Variants in PIK3AP1 observed in about 807,000 individuals in gnomAD.
PIK3AP1 encodes phosphoinositide 3-kinase adapter protein 1.
A neutral mutation model predicts 88.1 loss-of-function variants in PIK3AP1; 21 were observed. The observed-to-expected ratio is 0.24, with a 90% CI of 0.17 to 0.34. The LOEUF is 0.34. Among genes scored for constraint, PIK3AP1 ranks in the 10% least tolerant of loss-of-function variants. The pLI, the probability that PIK3AP1 is intolerant of heterozygous loss-of-function variation, is 1.00. For synonymous variants in PIK3AP1, 398 were observed against 400.0 expected, an observed-to-expected ratio of 1.00 and a Z score of 0.06; for missense variants, 828 against 1,035.7, an observed-to-expected ratio of 0.80 and a Z score of 2.75.
intron 2 of PIK3AP1, among the ~76,000 whole-genome samples, chr10:96,659,529 C>T (rs905890281): frequency 2.6e-5 from 4 of 151,848 alleles, no homozygotes; most frequent in Admixed American, 6.6e-5. Flanking sequence ...GAAAAGTCTA[C>T]GGTAAGAATT....
intron 2 of PIK3AP1, among the ~76,000 whole-genome samples, chr10:96,700,224 T>C (rs1472788223): frequency 6.6e-6 from 1 of 152,198 alleles, no homozygotes; most frequent in African/African-American, 2.4e-5. Flanking sequence ...AGGCCCTCTC[T>C]GGGTGGCCGC....
At chr10:96,649,187 C>G (rs1843502505) in intron 6 of PIK3AP1, among the ~76,000 whole-genome samples, 1 of 152,096 alleles carries the variant, frequency 6.6e-6, no homozygotes, top group African/African-American at 2.4e-5. Context: ...GCTAGGATTA[C>G]AGCTGTGCAT....
At chr10:96,608,578 C>T (rs1039080595) in intron 14 of PIK3AP1, among the ~76,000 whole-genome samples, 11 of 152,180 alleles carry the variant, frequency 7.2e-5, no homozygotes, top group South Asian at 2.1e-4. Flanking sequence ...TCTCTCTTTC[C>T]GGGTCACAAA....
chr10:96,607,055 T>C (rs1035986669), intron 14 of PIK3AP1, among the ~76,000 whole-genome samples: 3 of 152,232 alleles, frequency 2.0e-5, no homozygotes, highest in Non-Finnish European at 4.4e-5. Context: ...AATTTTTAGT[T>C]ATAACCAGAT....
At chr10:96,671,136 T>G (rs994001206) in intron 2 of PIK3AP1, among the ~76,000 whole-genome samples, 2 of 152,244 alleles carry the variant, frequency 1.3e-5, no homozygotes, top group Admixed American at 6.5e-5. Context: ...GCTATTGTCA[T>G]GTCCTTAGAA....
At chr10:96,676,492 A>T (rs1276172251) in intron 2 of PIK3AP1, among the ~76,000 whole-genome samples, 2 of 151,780 alleles carry the variant, frequency 1.3e-5, no homozygotes, top group Non-Finnish European at 2.9e-5. Context: ...AGCCTTGCTG[A>T]TCCTCAGGTC....
intron 8 of PIK3AP1, chr10:96,632,914 C>T: frequency 1.9e-6 from 3 of 1,612,730 alleles, no homozygotes; most frequent in Non-Finnish European, 2.5e-6. Context: ...ATGCTTGGCA[C>T]CAGTCCACTC....
intron 2 of PIK3AP1, among the ~76,000 whole-genome samples, chr10:96,677,766 A>G (rs1243394514): frequency 1.3e-5 from 2 of 152,178 alleles, no homozygotes. Context: ...TTCACTGTTC[A>G]TTTAGGTACA....
In PIK3AP1 at chr10:96,720,500, A is replaced by G. The variant is rs999521699; in HGVS notation, c.-106T>C. 4 of 1,040,020 alleles carry G rather than the reference A, an allele frequency of 3.8e-6. No homozygotes were observed. Among genetic ancestry groups the G allele is most frequent in the Non-Finnish European group, 4.8e-6 (4 of 828,012 alleles). 64.4% of individuals were successfully genotyped at this position (1,040,020 alleles called of 1,614,324 possible). On this transcript the variant is annotated 5_prime_UTR_variant, in exon 1 of 17. Coordinates refer to ENST00000339364, the MANE Select transcript of PIK3AP1 (RefSeq NM_152309.3). This position sits in a 1 kb window ranked among gnomAD's most constrained non-coding sequence, Gnocchi z 4.6. ...GGAGGGGCGCCGGGCTCCGCGCGGG[A>G]CCGGCCGCCGCTCTGGCGCTTCCTC...
At chr10:96,658,718 A>G (rs1300962265) in intron 2 of PIK3AP1, among the ~76,000 whole-genome samples, 1 of 152,092 alleles carries the variant, frequency 6.6e-6, no homozygotes, top group East Asian at 1.9e-4. Context: ...TTCCCCCTCC[A>G]TGATTTTTCC....
chr10:96,610,826 C>T (rs779805166), intron 13 of PIK3AP1, among the ~76,000 whole-genome samples: 3 of 152,212 alleles, frequency 2.0e-5, no homozygotes, highest in Non-Finnish European at 2.9e-5. Context: ...CCAACTTCCT[C>T]CTGAAGGCAA....
chr10:96,645,412 G>A (rs1003474613), intron 8 of PIK3AP1, 61 bp downstream of exon 8: 35 of 1,565,912 alleles, frequency 2.2e-5, no homozygotes, highest in East Asian at 6.9e-5. Context: ...ATCTTCATCC[G>A]GAATGAAAAA....
intron 2 of PIK3AP1, chr10:96,700,959 C>A (rs1256340507): frequency 2.2e-6 from 2 of 895,744 alleles, no homozygotes; most frequent in Non-Finnish European, 2.7e-6. Flanking sequence ...CCCATAATAG[C>A]CTATAACAGA....
rs1848743967 is a variant in PIK3AP1, at chr10:96,595,779, A to T, written c.2361-145T>A. ...GGACACACATATGAATGTATGAGTG[A>T]CACGCATGCTAGCTGTGGCTTGCAA... is the stretch of plus-strand genomic sequence containing the variant. On this transcript the variant is annotated intron_variant, in intron 16 of 16. Coordinates refer to ENST00000339364, the MANE Select transcript of PIK3AP1 (RefSeq NM_152309.3). 7 of 765,224 alleles carry T rather than the reference A, an allele frequency of 9.1e-6. No homozygotes were observed. In the South Asian group the frequency reaches 1.2e-4, roughly 13 times the overall value. The allele number at this position is 765,224 out of a possible 1,614,324, so 47.4% of individuals were successfully genotyped here. A position where few individuals can be genotyped will look rare whatever the true frequency, so the allele number is the denominator to read the frequency against.
chr10:96,638,851 A>C (rs1342186646), intron 8 of PIK3AP1, among the ~76,000 whole-genome samples: 1 of 152,214 alleles, frequency 6.6e-6, no homozygotes, highest in Non-Finnish European at 1.5e-5. Flanking sequence ...CTCTCACTAG[A>C]ATGTAAGCTT....
chr10:96,654,651 C>T (rs899779008), intron 3 of PIK3AP1, among the ~76,000 whole-genome samples: 2 of 152,168 alleles, frequency 1.3e-5, no homozygotes, highest in Non-Finnish European at 2.9e-5. Flanking sequence ...TCCCCAGGAT[C>T]CAGAAGCCTG....
intron 15 of PIK3AP1, chr10:96,603,700 ACACACACACAC>A: frequency 1.0e-4 from 25 of 245,212 alleles, no homozygotes; most frequent in Middle Eastern, 1.2e-3. Flanking sequence ...ACACACACAC[ACACACACACAC>A]CACATATATA....
At chr10:96,685,637 C>T (rs1044427748) in intron 2 of PIK3AP1, among the ~76,000 whole-genome samples, 1 of 152,188 alleles carries the variant, frequency 6.6e-6, no homozygotes, top group Non-Finnish European at 1.5e-5. Context: ...TGCCCCATAA[C>T]CCAGAGCTGG....
chr10:96,685,881 A>G (rs1844060944), intron 2 of PIK3AP1, among the ~76,000 whole-genome samples: 1 of 152,166 alleles, frequency 6.6e-6, no homozygotes, highest in Non-Finnish European at 1.5e-5. Context: ...CTAGCCACCA[A>G]CAGACTAATG....
Sources: gnomAD v4.1 joint callset for allele counts (sites outside exome capture counted in the v4.1 genomes callset) on GRCh38, gnomAD v4.1.1 for gene constraint, Gnocchi (gnomAD v3.1) non-coding constraint, MANE v1.5 for transcripts, NCBI Gene and HGNC (gene_info 2026-07-23, HGNC 2026-07-21) for gene names.